Variants in NBEAL1 observed in about 807,000 individuals in gnomAD.
The protein encoded by NBEAL1 is neurobeachin like 1, also known as neurobeachin-like protein 1.
In NBEAL1, 273 loss-of-function variants were observed where a neutral mutation model predicts 351.3. The ratio of observed to expected loss-of-function variants is 0.78; its 90% CI spans 0.70 to 0.86. The LOEUF (loss-of-function observed/expected upper bound fraction) is 0.86, where lower values mean the gene tolerates loss of function less well. NBEAL1 is among the 40% of genes least tolerant of loss of function. The pLI is 0.00. For synonymous variants in NBEAL1, 1,050 were observed against 1,086.4 expected, an observed-to-expected ratio of 0.97 and a Z score of 0.66; for missense variants, 2,961 against 3,201.3, an observed-to-expected ratio of 0.92 and a Z score of 1.81.
chr2:203,167,198 C>T, intron 37 of NBEAL1, 29 bp from the exon 38 acceptor site: 1 of 1,590,048 alleles, frequency 6.3e-7, no homozygotes, highest in Non-Finnish European at 8.5e-7. Flanking sequence ...TATATGGTAT[C>T]TCAGTCACAA....
chr2:203,210,464 A>G (rs1368421843), intron 53 of NBEAL1, among the ~76,000 whole-genome samples: 1 of 151,686 alleles, frequency 6.6e-6, no homozygotes, highest in Non-Finnish European at 1.5e-5. Flanking sequence ...GATCGAGACC[A>G]TCCTAACTAA....
At chr2:203,019,366 A>G (rs1021199881) in intron 2 of NBEAL1, among the ~76,000 whole-genome samples, 1 of 152,198 alleles carries the variant, frequency 6.6e-6, no homozygotes, top group African/African-American at 2.4e-5. Flanking sequence ...GGCAGGTGGC[A>G]TATATGTTTG....
chr2:203,047,027 A>G (rs1559329473), intron 3 of NBEAL1, among the ~76,000 whole-genome samples: 1 of 152,070 alleles, frequency 6.6e-6, no homozygotes, highest in East Asian at 1.9e-4. Context: ...ATACAAAATT[A>G]GTGGGCGTGG....
intron 24 of NBEAL1, among the ~76,000 whole-genome samples, 165 bp downstream of exon 24, chr2:203,128,102 TG>T (rs1230867177): frequency 6.6e-6 from 1 of 151,852 alleles, no homozygotes; most frequent in Non-Finnish European, 1.5e-5. Context: ...TTTTTTTTTT[TG>T]AGATGGAGTC....
rs1400884230 is a variant in NBEAL1, at chr2:203,057,454, G to A, written c.515+1G>A. The A allele has an allele frequency of 1.3e-6, 2 of 1,546,410 alleles. No individual in the cohort carries two copies. The highest frequency in any genetic ancestry group is 8.7e-7 in the Non-Finnish European group (1 of 1,143,662). Reference sequence around the variant, plus strand: ...GGAATTGGAGACATAGAATTTCAGGGTATGTCTTATAAATAATAACGTTCA... The same window carrying A: ...GGAATTGGAGACATAGAATTTCAGGATATGTCTTATAAATAATAACGTTCA... On this transcript the variant is annotated splice_donor_variant, in intron 6 of 55. Transcript: ENST00000683969. LOFTEE classifies it high-confidence loss of function.
chr2:203,102,152 T>C (rs2106216729), intron 12 of NBEAL1, among the ~76,000 whole-genome samples: 2 of 152,338 alleles, frequency 1.3e-5, no homozygotes, highest in Middle Eastern at 6.8e-3. Context: ...TTTTTGTACA[T>C]TGATTTTGTA....
intron 27 of NBEAL1, among the ~76,000 whole-genome samples, chr2:203,134,914 G>A (rs1176491207): frequency 1.3e-5 from 2 of 152,166 alleles, no homozygotes; most frequent in Admixed American, 6.5e-5. Flanking sequence ...CATGGCTCAT[G>A]CCTGTAATCC....
Position 203,169,849 on chromosome 2 carries a change from C to G in NBEAL1, c.6100C>G (p.Gln2034Glu). 1 of 1,570,962 alleles carries G rather than the reference C, an allele frequency of 6.4e-7. No homozygotes were observed. Among genetic ancestry groups the G allele is most frequent in the Non-Finnish European group, 8.7e-7 (1 of 1,148,386 alleles). ...QELFKASGLT[Q>E]KWVNREISNF... ...GTTATTCAAAGCATCAGGATTGACA[C>G]AGGTAGGAAATTGTAATAGTCTCTA... is the stretch of plus-strand genomic sequence containing the variant. Residue 2034 changes from glutamine to glutamate, a missense_variant and splice_region_variant, in exon 39 of 56, where the codon CAG (glutamine) becomes GAG (glutamate). By Grantham distance (29) the Gln-to-Glu change is conservative. Coordinates refer to ENST00000683969, the MANE Select transcript of NBEAL1 (RefSeq NM_001378026.1).
At chr2:203,087,280 A>T (rs1486466198) in intron 10 of NBEAL1, among the ~76,000 whole-genome samples, 1 of 150,726 alleles carries the variant, frequency 6.6e-6, no homozygotes, top group Non-Finnish European at 1.5e-5. Flanking sequence ...TTTAGTAGAG[A>T]TGGGGTTTCA....
intron 4 of NBEAL1, among the ~76,000 whole-genome samples, chr2:203,051,643 A>G (rs141347830): frequency 0.015 from 2,261 of 152,172 alleles, 27 homozygotes; most frequent in Middle Eastern, 0.051. Flanking sequence ...GCTACCTACT[A>G]CAATTTTGCT....
chr2:203,168,983 A>G (rs1380314549), intron 38 of NBEAL1, among the ~76,000 whole-genome samples: 1 of 151,282 alleles, frequency 6.6e-6, no homozygotes, highest in Non-Finnish European at 1.5e-5. Flanking sequence ...TTGCATTTGT[A>G]TAGCCCTGAA....
At chr2:203,100,463 T>C (rs2062289585) in intron 12 of NBEAL1, among the ~76,000 whole-genome samples, 1 of 152,186 alleles carries the variant, frequency 6.6e-6, no homozygotes, top group Non-Finnish European at 1.5e-5. Context: ...AGATGGTATG[T>C]CATTGTGGTT....
In NBEAL1 at chr2:203,084,016, G is replaced by GTGTA. The variant is rs1355147754; in HGVS notation, c.992-444_992-443insATGT. 8.6e-5 allele frequency among the ~76,000 whole-genome samples: 13 copies of GTGTA among 150,850 alleles called. 1 individual carries two copies. In the East Asian group the frequency reaches 2.1e-3, roughly 25 times the overall value. ...TGTGTGTGTGTGTGTGTGTGTGTGTGTGTGTTTCTCTTCCCTTCTCTTTGT... is the reference window on the plus strand; with the variant it reads ...TGTGTGTGTGTGTGTGTGTGTGTGTGTGTATGTGTTTCTCTTCCCTTCTCTTTGT... On this transcript the variant is annotated intron_variant, in intron 9 of 55. Transcript: ENST00000683969.
At chr2:203,067,786 C>G (rs2061618682) in intron 6 of NBEAL1, among the ~76,000 whole-genome samples, 1 of 152,154 alleles carries the variant, frequency 6.6e-6, no homozygotes, top group Non-Finnish European at 1.5e-5. Context: ...CACCACTATG[C>G]CCATCTAAGA....
chr2:203,123,509 T>G (rs2062874249), intron 19 of NBEAL1, among the ~76,000 whole-genome samples: 1 of 151,930 alleles, frequency 6.6e-6, no homozygotes, highest in Non-Finnish European at 1.5e-5. Flanking sequence ...ATTTTTGTAT[T>G]TTTTAGTAGA....
intron 36 of NBEAL1, among the ~76,000 whole-genome samples, chr2:203,159,602 A>T (rs953450277): frequency 1.3e-5 from 2 of 152,186 alleles, no homozygotes; most frequent in Non-Finnish European, 2.9e-5. Context: ...GTTATCCAGA[A>T]TATGGATAAT....
chr2:203,128,893 G>A (rs898978634), intron 24 of NBEAL1, among the ~76,000 whole-genome samples: 13 of 152,164 alleles, frequency 8.5e-5, no homozygotes, highest in Non-Finnish European at 2.9e-5. Context: ...ACCATGCCCA[G>A]CCATTAGTAG....
At chr2:203,185,774 C>T (rs537691047) in intron 44 of NBEAL1, among the ~76,000 whole-genome samples, 1 of 152,298 alleles carries the variant, frequency 6.6e-6, no homozygotes, top group South Asian at 2.1e-4. Flanking sequence ...CACCTGGCAG[C>T]TAAGTGCTCC....
chr2:203,213,051 G>A (rs1387217586), intron 54 of NBEAL1, among the ~76,000 whole-genome samples: 2 of 152,120 alleles, frequency 1.3e-5, no homozygotes, highest in Non-Finnish European at 2.9e-5. Context: ...ATAGAATCCT[G>A]TCTAACTGTT....
Sources: allele counts gnomAD v4.1 joint callset (sites outside exome capture counted in the v4.1 genomes callset), GRCh38; gene constraint gnomAD v4.1.1; transcripts MANE v1.5; gene names NCBI Gene and HGNC (gene_info 2026-07-23, HGNC 2026-07-21).